The following GCFC2 variants were observed in gnomAD, a reference collection of about 807,000 sequenced individuals.
GCFC2 encodes the protein GC-rich sequence DNA-binding factor 2.
A neutral mutation model predicts 99.4 loss-of-function variants in GCFC2; 102 were observed. The observed-to-expected ratio is 1.03, with a 90% CI of 0.87 to 1.21. The LOEUF (loss-of-function observed/expected upper bound fraction) is 1.21. GCFC2 is among the 50% of genes most tolerant of loss of function. The pLI is 0.00. For missense variants in GCFC2, 973 were observed against 920.9 expected (o/e 1.06, Z -0.73); for synonymous variants, 338 against 316.8 (o/e 1.07, Z -0.71).
intron 12 of GCFC2, among the ~76,000 whole-genome samples, chr2:75,679,278 A>T (rs2104276799): frequency 6.6e-6 from 1 of 152,286 alleles, no homozygotes; most frequent in East Asian, 1.9e-4. Context: ...TGGTGCTCAT[A>T]ATATGAATAT....
Position 75,689,118 on chromosome 2 carries a change from C to A in GCFC2, c.1447G>T (p.Asp483Tyr), listed in dbSNP as rs752890659. ...CTAATGAAAGCTTCATAATAGGAGT[C>A]AGGAAACTTTTCTCGCCATTGCTGA... ...KFQQWREKFP[D>Y]SYYEAFISLC... The change falls in exon 10 of 17, where the codon GAC (aspartate) becomes TAC (tyrosine). Residue 483 changes from aspartate to tyrosine, a missense_variant. Coordinates refer to ENST00000321027, the MANE Select transcript of GCFC2 (RefSeq NM_003203.5). The A allele has an allele frequency of 8.1e-6, 13 of 1,596,230 alleles. No individual in the cohort carries two copies. The highest frequency in any genetic ancestry group is 1.7e-5 in the Admixed American group (1 of 59,584).
At chr2:75,705,014 G>A (rs1380463924) in intron 2 of GCFC2, among the ~76,000 whole-genome samples, 1 of 152,164 alleles carries the variant, frequency 6.6e-6, no homozygotes, top group Non-Finnish European at 1.5e-5. Context: ...GTAGCCACTA[G>A]CCCTATGTGA....
rs554204908 is a variant in GCFC2 at position 75,684,766 on chromosome 2, T to C, written c.1690+3061A>G. On this transcript the variant is annotated intron_variant, in intron 11 of 16. Transcript: ENST00000321027. Reference sequence around the variant, plus strand: ...AAAGACACATGCACATGTATGTTTATTGTGGCACTATTCACAATAGCAAAG... The same window carrying C: ...AAAGACACATGCACATGTATGTTTACTGTGGCACTATTCACAATAGCAAAG... Among the ~76,000 whole-genome samples the C allele has an allele frequency of 4.8e-3, 724 of 152,356 alleles. 1 individual carries two copies. Among genetic ancestry groups the C allele is most frequent in the South Asian group, 0.02 (98 of 4,832 alleles).
intron 2 of GCFC2, among the ~76,000 whole-genome samples, chr2:75,706,022 A>T (rs1168837316): frequency 6.6e-6 from 1 of 152,250 alleles, no homozygotes; most frequent in African/African-American, 2.4e-5. Flanking sequence ...TTTCTAAGAC[A>T]CAAAAACATT....
At chr2:75,679,476 C>A (rs1186191910) in intron 12 of GCFC2, among the ~76,000 whole-genome samples, 2 of 152,126 alleles carry the variant, frequency 1.3e-5, no homozygotes, top group African/African-American at 4.8e-5. Context: ...AGATTCTCAG[C>A]AACATCACTC....
At chr2:75,711,026 C>A, upstream of GCFC2, 3 of 1,337,848 alleles carry the variant, frequency 2.2e-6, no homozygotes, top group South Asian at 5.9e-5. Flanking sequence ...CTTTGGCTCC[C>A]TGGATCTGGT....
chr2:75,689,284 T>C (rs1334309980), intron 9 of GCFC2, 59 bp from the exon 10 acceptor site: 2 of 898,214 alleles, frequency 2.2e-6, no homozygotes, highest in East Asian at 5.0e-5. Flanking sequence ...GTATGCTTCC[T>C]TAAAAACACG....
chr2:75,706,426 G>C, intron 2 of GCFC2, 97 bp downstream of exon 2: 1 of 736,716 alleles, frequency 1.4e-6, no homozygotes, highest in Non-Finnish European at 2.2e-6. Flanking sequence ...TGACCTACTT[G>C]CCCCATGTCA....
chr2:75,690,692 T>C lies in GCFC2; in HGVS notation c.1172A>G (p.Asn391Ser), dbSNP rs151334938. The C allele has an allele frequency of 5.1e-6, 8 of 1,563,062 alleles. No individual in the cohort carries two copies. In the African/African-American group the frequency reaches 9.5e-5, roughly 19 times the overall value. ...CTGAGTTTTTTCATCTACTGAGAAGTTTCCACTTGTGGATGTCTCATCTTT... is the reference window on the plus strand; with the variant it reads ...CTGAGTTTTTTCATCTACTGAGAAGCTTCCACTTGTGGATGTCTCATCTTT... ...SRKDETSTSG[N>S]FSVDEKTQWI... Residue 391 changes from asparagine (N) to serine (S), a missense_variant, in exon 8 of 17, where the codon AAC becomes AGC. By Grantham distance (46) the Asn-to-Ser change is conservative (BLOSUM62 1). Coordinates refer to ENST00000321027, the MANE Select transcript of GCFC2 (RefSeq NM_003203.5).
intron 14 of GCFC2, 75 bp downstream of exon 14, chr2:75,671,875 G>T: frequency 2.8e-6 from 2 of 717,528 alleles, no homozygotes; most frequent in Non-Finnish European, 5.1e-6. Context: ...TATAGAAGAA[G>T]TTTGTTGTTC....
Position 75,680,249 on chromosome 2 carries a change from T to G in GCFC2, c.1756A>C (p.Arg586=). ...SQTTSLITHC[R]VILEEHSTCE... ...GTGGAATGTTCTTCAAGAATCACTC[T>G]GCAATGTGTTATTAAACTTGTTGTC... is the stretch of plus-strand genomic sequence containing the variant. The change falls in exon 12 of 17, where the codon AGA becomes CGA. Residue 586 remains arginine (R), a synonymous_variant. Coordinates refer to ENST00000321027, the MANE Select transcript of GCFC2 (RefSeq NM_003203.5). The G allele has an allele frequency of 6.2e-7, 1 of 1,602,452 alleles. No individual in the cohort carries two copies. Among genetic ancestry groups the G allele is most frequent in the Non-Finnish European group, 8.5e-7 (1 of 1,169,618 alleles).
chr2:75,695,666 G>T (rs987386085), intron 5 of GCFC2, among the ~76,000 whole-genome samples: 4 of 152,060 alleles, frequency 2.6e-5, no homozygotes, highest in African/African-American at 9.7e-5. Context: ...CTATGATAAA[G>T]TTTAATTTAT....
chr2:75,705,330 A>G (rs140671687), intron 2 of GCFC2, among the ~76,000 whole-genome samples: 14 of 152,320 alleles, frequency 9.2e-5, no homozygotes, highest in African/African-American at 3.4e-4. Flanking sequence ...AGGCTAATAA[A>G]GAAGCACTTA....
chr2:75,699,522 C>T (rs994307468), intron 4 of GCFC2, among the ~76,000 whole-genome samples: 1 of 152,162 alleles, frequency 6.6e-6, no homozygotes, highest in Non-Finnish European at 1.5e-5. Context: ...AAGTACAGTA[C>T]ATTTGTTATG....
At position 75,664,380 on chromosome 2, in the gene GCFC2, T is replaced by C. The variant is rs1046686265; in HGVS notation, c.*286A>G. 2.6e-4 allele frequency: 50 copies of C among 193,896 alleles called. 1 individual carries two copies. The highest frequency in any genetic ancestry group is 1.1e-3 in the African/African-American group (49 of 42,916). 12.0% of individuals were successfully genotyped at this position (193,896 alleles called of 1,614,324 possible). A position where few individuals can be genotyped will look rare whatever the true frequency, so the allele number is the denominator to read the frequency against. ...AAAACCTTTAGCAAGGTTTCTCCAG[T>C]TCCCCTCTTAAGAAAATTGAAAGAC... On this transcript the variant is annotated 3_prime_UTR_variant, in exon 17 of 17. Coordinates refer to ENST00000321027, the MANE Select transcript of GCFC2 (RefSeq NM_003203.5).
At chr2:75,680,456 T>G (rs1172468533) in intron 11 of GCFC2, 142 bp from the exon 12 acceptor site, 1 of 571,592 alleles carries the variant, frequency 1.7e-6, no homozygotes, top group Non-Finnish European at 3.0e-6. Context: ...CATTACATAT[T>G]TGCATACATC....
intron 15 of GCFC2, among the ~76,000 whole-genome samples, chr2:75,669,788 A>G (rs1256229145): frequency 6.6e-6 from 1 of 151,974 alleles, no homozygotes; most frequent in Admixed American, 6.6e-5. Context: ...GCTGGAGTGC[A>G]ATGGCGGCTC....
intron 11 of GCFC2, among the ~76,000 whole-genome samples, chr2:75,684,363 C>G (rs1321382588): frequency 6.6e-6 from 1 of 152,174 alleles, no homozygotes; most frequent in Non-Finnish European, 1.5e-5. Context: ...ACTTAACAGC[C>G]TGCTCCTGAA....
rs747754360 is a variant in GCFC2 at position 75,670,326 on chromosome 2, G to A, written c.1957-42C>T. ...AGTAAATATGTACCTTTTCTCCAAA[G>A]AGAAACTGTAATAGTCTCTAACAAA... On this transcript the variant is annotated intron_variant, in intron 14 of 16. Transcript: ENST00000321027. 2.2e-6 allele frequency: 3 copies of A among 1,377,104 alleles called. No individual in the cohort carries two copies. The East Asian group carries it at 6.9e-5, about 31-fold the overall frequency. 85.3% of individuals were successfully genotyped at this position (1,377,104 alleles called of 1,614,324 possible).
Sources: gnomAD v4.1 joint callset for allele counts (sites outside exome capture counted in the v4.1 genomes callset) on GRCh38, gnomAD v4.1.1 for gene constraint, MANE v1.5 for transcripts, NCBI Gene and HGNC (gene_info 2026-07-23, HGNC 2026-07-21) for gene names.